RPH3A: variants seen among roughly 807,000 people sequenced by gnomAD.
The protein encoded by RPH3A is rabphilin 3A.
RPH3A carries 48 observed loss-of-function variants against 102.2 expected under a neutral mutation model. The observed-to-expected ratio is 0.47, with a 90% confidence interval of 0.37 to 0.60. The LOEUF is 0.60. Ranked by LOEUF, RPH3A falls within the 20% of genes least tolerant of loss-of-function variation. The probability of loss-of-function intolerance (pLI) is 0.00; values close to 1 mark genes in which losing one functional copy is unlikely to be tolerated. For missense variants in RPH3A, 781 were observed against 910.1 expected (o/e 0.86, Z 1.83); for synonymous variants, 310 against 324.3 (o/e 0.96, Z 0.47).
At chr12:112,742,597 A>G (rs2040717076) in intron 1 of RPH3A, among the ~76,000 whole-genome samples, 2 of 152,162 alleles carry the variant, frequency 1.3e-5, no homozygotes, top group South Asian at 2.1e-4. Context: ...AACAATGAAT[A>G]CAGTCCAGGG....
rs2042650491 is a variant in RPH3A, at chr12:112,868,537, T to C, written c.552T>C (p.Pro184=). The change falls in exon 8 of 22, where the codon CCT becomes CCC. Residue 184 remains proline (P), a synonymous_variant. Transcript: ENST00000389385. The part of the protein sequence containing the change: ...KTKPQQPVSE[P]AAPEQPAPEP... ...AGCCCCAGCAGCCTGTCAGTGAGCCTGCTGCCCCTGAACAGCCTGCTCCTG... is the reference window on the plus strand; with the variant it reads ...AGCCCCAGCAGCCTGTCAGTGAGCCCGCTGCCCCTGAACAGCCTGCTCCTG... The C allele has an allele frequency of 6.2e-7, 1 of 1,614,082 alleles. No individual in the cohort carries two copies.
At chr12:112,718,764 T>C (rs892787248) in intron 1 of RPH3A, among the ~76,000 whole-genome samples, 3 of 152,222 alleles carry the variant, frequency 2.0e-5, no homozygotes, top group African/African-American at 7.2e-5. Context: ...TGGTAATGGC[T>C]GCCTGTAGCC....
At chr12:112,708,313 CAGG>C (rs1208720370) in intron 1 of RPH3A, among the ~76,000 whole-genome samples, 1 of 152,118 alleles carries the variant, frequency 6.6e-6, no homozygotes, top group Non-Finnish European at 1.5e-5. Flanking sequence ...TGCAGTCTTC[CAGG>C]ACCAGGAGGG....
At chr12:112,742,570 C>T (rs1368637973) in intron 1 of RPH3A, among the ~76,000 whole-genome samples, 1 of 152,182 alleles carries the variant, frequency 6.6e-6, no homozygotes, top group Non-Finnish European at 1.5e-5. Context: ...GAGAATTTAA[C>T]TCAGGGCTGT....
chr12:112,693,264 G>A (rs2040321162), intron 1 of RPH3A, among the ~76,000 whole-genome samples: 1 of 152,170 alleles, frequency 6.6e-6, no homozygotes. Flanking sequence ...GGCTTATATT[G>A]GTTTTGACAT....
chr12:112,874,986 A>C (rs931859957), intron 10 of RPH3A, 98 bp from the exon 11 acceptor site: 1 of 972,496 alleles, frequency 1.0e-6, no homozygotes, highest in East Asian at 2.7e-5. Context: ...TGAAAGTCCA[A>C]GGGGCTCACC....
chr12:112,723,206 G>T (rs1175798641), intron 1 of RPH3A, among the ~76,000 whole-genome samples: 1 of 152,018 alleles, frequency 6.6e-6, no homozygotes, highest in Non-Finnish European at 1.5e-5. Flanking sequence ...TATAACTTTT[G>T]GTTCCCCCAA....
chr12:112,728,846 C>G (rs560802815), intron 1 of RPH3A, among the ~76,000 whole-genome samples: 7 of 152,254 alleles, frequency 4.6e-5, no homozygotes, highest in Admixed American at 2.0e-4. Flanking sequence ...TACCATTTCT[C>G]TAATGAAAGT....
chr12:112,639,039 C>T (rs2135990306), intron 1 of RPH3A, among the ~76,000 whole-genome samples: 1 of 152,272 alleles, frequency 6.6e-6, no homozygotes, highest in Admixed American at 6.5e-5. Flanking sequence ...CCCTCCCCTC[C>T]TTTATTTCAT....
chr12:112,756,402 G>T (rs1403813876), intron 1 of RPH3A, among the ~76,000 whole-genome samples: 2 of 152,174 alleles, frequency 1.3e-5, no homozygotes, highest in Admixed American at 1.3e-4. Context: ...GGTAGAGACA[G>T]GGTTTCACTT....
At chr12:112,687,031 C>A (rs2040270410) in intron 1 of RPH3A, among the ~76,000 whole-genome samples, 1 of 152,186 alleles carries the variant, frequency 6.6e-6, no homozygotes, top group Non-Finnish European at 1.5e-5. Context: ...GGGAGGATGG[C>A]TTGAGCCCAG....
intron 5 of RPH3A, among the ~76,000 whole-genome samples, chr12:112,861,719 T>G (rs577184939): frequency 5.9e-5 from 9 of 152,116 alleles, no homozygotes; most frequent in Non-Finnish European, 1.2e-4. Flanking sequence ...GAGGAGTCAT[T>G]AAGAATATCC....
chr12:112,719,274 G>C (rs575207177), intron 1 of RPH3A, among the ~76,000 whole-genome samples: 2 of 152,244 alleles, frequency 1.3e-5, no homozygotes, highest in Admixed American at 6.5e-5. Context: ...GTAGAGAAAT[G>C]GGGAAGTCAG....
intron 7 of RPH3A, among the ~76,000 whole-genome samples, chr12:112,867,741 C>T (rs1474081748): frequency 6.6e-6 from 1 of 152,212 alleles, no homozygotes; most frequent in Non-Finnish European, 1.5e-5. Context: ...ATACCGTAGT[C>T]CCACCCTCCT....
At chr12:112,798,867 C>A (rs901729404) in intron 2 of RPH3A, among the ~76,000 whole-genome samples, 1 of 152,054 alleles carries the variant, frequency 6.6e-6, no homozygotes, top group Non-Finnish European at 1.5e-5. Context: ...CTCCTCTGCC[C>A]CTGGCCTCTC....
In RPH3A at chr12:112,669,289, T is replaced by A. The variant is rs2040110986; in HGVS notation, c.-140+93970T>A. ...GTGATAGATACCTCAATTATCCTAA[T>A]TTGATCATTCCATGTTGTAAACTTG... On this transcript the variant is annotated intron_variant, in intron 1 of 21. Coordinates refer to the RPH3A transcript ENST00000543106. Among the ~76,000 whole-genome samples the A allele has an allele frequency of 1.3e-5, 2 of 152,342 alleles. 1 individual carries two copies. Among genetic ancestry groups the A allele is most frequent in the African/African-American group, 4.8e-5 (2 of 41,578 alleles).
chr12:112,839,144 C>G (rs569499632), intron 4 of RPH3A, among the ~76,000 whole-genome samples: 1 of 152,124 alleles, frequency 6.6e-6, no homozygotes, highest in Admixed American at 6.5e-5. Context: ...TTGAATAATA[C>G]TTTATTCAGA....
At chr12:112,726,103 C>T (rs1179205811) in intron 1 of RPH3A, among the ~76,000 whole-genome samples, 2 of 117,866 alleles carry the variant, frequency 1.7e-5, no homozygotes, top group Admixed American at 8.7e-5. Context: ...CCTTTTTTTT[C>T]GGGGGGGTGG....
At chr12:112,628,674 C>G (rs2039783418) in intron 1 of RPH3A, among the ~76,000 whole-genome samples, 1 of 143,820 alleles carries the variant, frequency 7.0e-6, no homozygotes, top group African/African-American at 2.6e-5. Context: ...ATCCTTGAGT[C>G]CAGGAGTTTG....
Sources: allele counts gnomAD v4.1 joint callset (sites outside exome capture counted in the v4.1 genomes callset), GRCh38; gene constraint gnomAD v4.1.1; transcripts MANE v1.5; gene names NCBI Gene and HGNC (gene_info 2026-07-23, HGNC 2026-07-21).